The following ABCC6 variants were observed in gnomAD, a reference collection of about 807,000 sequenced individuals.
ABCC6 encodes the protein ATP-binding cassette sub-family C member 6.
In ABCC6, 126 loss-of-function variants were observed where a neutral mutation model predicts 169.5. The observed-to-expected ratio is 0.74, with a 90% CI of 0.64 to 0.86. The LOEUF is 0.86. Ranked by LOEUF, ABCC6 falls within the 40% of genes least tolerant of loss-of-function variation. ABCC6 has a pLI of 0.00. For synonymous variants in ABCC6, 752 were observed against 814.7 expected, an observed-to-expected ratio of 0.92 and a Z score of 1.31; for missense variants, 1,733 against 1,927.2, an observed-to-expected ratio of 0.90 and a Z score of 1.89.
rs61266641 is a variant in ABCC6 at position 16,182,807 on chromosome 16, G to T, written c.2067C>A (p.Ile689=). 1 of 1,613,936 alleles carries T rather than the reference G, an allele frequency of 6.2e-7. No homozygotes were observed. Among genetic ancestry groups the T allele is most frequent in the East Asian group, 2.2e-5 (1 of 44,856 alleles). ...ELSKVEGFVS[I]EGAVAYVPQE... is the part of the protein sequence containing the mutation. The stretch of plus-strand genomic sequence containing the variant: ...GACAGGCTGGGGGTGGCCTCACCTC[G>T]ATGCTCACGAACCCCTCCACCTTTG... The change falls in exon 16 of 31, where the codon ATC becomes ATA. Residue 689 remains isoleucine (I), a synonymous_variant. Transcript: ENST00000205557.
At chr16:16,184,699 G>C (rs966689741) in intron 15 of ABCC6, among the ~76,000 whole-genome samples, 2 of 152,178 alleles carry the variant, frequency 1.3e-5, no homozygotes, top group Middle Eastern at 3.4e-3. Flanking sequence ...GGAGCACAGG[G>C]GTGTCTCCCC....
intron 21 of ABCC6, among the ~76,000 whole-genome samples, chr16:16,172,106 AGTG>A (rs2047112265): frequency 2.6e-5 from 3 of 114,056 alleles, no homozygotes; most frequent in Non-Finnish European, 3.6e-5. Context: ...TGGCTAAATG[AGTG>A]GGTGGGATGG....
chr16:16,183,922 C>T (rs926533274), intron 15 of ABCC6, among the ~76,000 whole-genome samples: 11 of 152,130 alleles, frequency 7.2e-5, no homozygotes, highest in South Asian at 2.1e-4. Flanking sequence ...TCTCCCAGGC[C>T]GGGCACGGTG....
rs544925140 is a variant in ABCC6, at chr16:16,190,069, T to C, written c.1635+95A>G. The C allele has an allele frequency of 6.9e-6, 9 of 1,310,846 alleles. No homozygotes were observed. In the East Asian group the frequency reaches 2.1e-4, roughly 30 times the overall value. The allele number at this position is 1,310,846 out of a possible 1,614,324, so 81.2% of individuals were successfully genotyped here. The stretch of plus-strand genomic sequence containing the variant: ...AATGAGTGGGTTTTGATGGACGGGG[T>C]GGTAGGATCTGGGGGGCTCCACCTA... On this transcript the variant is annotated intron_variant, in intron 12 of 30. Coordinates refer to ENST00000205557, the MANE Select transcript of ABCC6 (RefSeq NM_001171.6).
In ABCC6 at chr16:16,161,496, A is replaced by G. The variant is rs201087449; in HGVS notation, c.3575T>C (p.Leu1192Pro). 6.2e-7 allele frequency: 1 copy of G among 1,614,022 alleles called. No individual in the cohort carries two copies. Residue 1192 changes from leucine to proline, a missense_variant, in exon 25 of 31, where the codon CTG (leucine) becomes CCG (proline). Physicochemically the swap from Leu to Pro is moderately conservative, Grantham distance 98. This residue lies in a region of ABCC6 where 1,601 missense variants were observed against 1,635.5 expected (regional missense o/e 0.98). Coordinates refer to ENST00000205557, the MANE Select transcript of ABCC6 (RefSeq NM_001171.6). Reference protein sequence around the residue: ...LVFAAATCAVLSKAHLSAGLV... With the variant: ...LVFAAATCAVPSKAHLSAGLV... Reference sequence around the variant, plus strand: ...GCCAGCACTGAGGTGGGCTTTGCTCAGCACAGCACACGTGGCAGCTGCAAA... The same window carrying G: ...GCCAGCACTGAGGTGGGCTTTGCTCGGCACAGCACACGTGGCAGCTGCAAA...
Position 16,154,879 on chromosome 16 carries a change from G to C in ABCC6, c.4035C>G (p.Ile1345Met). The C allele has an allele frequency of 6.2e-7, 1 of 1,612,756 alleles. No homozygotes were observed. Among genetic ancestry groups the C allele is most frequent in the Non-Finnish European group, 8.5e-7 (1 of 1,179,506 alleles). ...CCCCCTCCACCAGCCTCACCTGGGGGATGATGCTGATCCTGGAGCGCAGTG... is the reference window on the plus strand; with the variant it reads ...CCCCCTCCACCAGCCTCACCTGGGGCATGATGCTGATCCTGGAGCGCAGTG... The part of the protein sequence containing the change: ...LHTLRSRISI[I>M]PQDPILFPGS... The change falls in exon 28 of 31, where the codon ATC (isoleucine) becomes ATG (methionine). Residue 1345 changes from isoleucine to methionine, a missense_variant. Around this residue, in one of 5 missense-constraint regions of ABCC6, gnomAD observed 1,601 missense variants for 1,635.5 expected, o/e 0.98. Transcript: ENST00000205557.
chr16:16,164,233 T>C (rs1047601977), intron 23 of ABCC6, among the ~76,000 whole-genome samples: 2 of 152,094 alleles, frequency 1.3e-5, no homozygotes, highest in African/African-American at 4.8e-5. Flanking sequence ...AGTTTCACCA[T>C]GTTGACCAGG....
chr16:16,178,915 A>C lies in ABCC6; in HGVS notation c.2298T>G (p.Ala766=). The C allele has an allele frequency of 1.2e-6, 2 of 1,613,568 alleles. No individual in the cohort carries two copies. The highest frequency in any genetic ancestry group is 1.7e-6 in the Non-Finnish European group (2 of 1,180,012). Residue 766 remains alanine (A), a synonymous_variant, in exon 18 of 31, where the codon GCT becomes GCG. Coordinates refer to ENST00000205557, the MANE Select transcript of ABCC6 (RefSeq NM_001171.6). ...GQKQRLSLAR[A]VYRKAAVYLL... is the part of the protein sequence containing the mutation. ...GGTACACAGCTGCCTTTCTGTATAC[A>C]GCCCGGGCCAGGCTCAGCCGCTGCT...
chr16:16,157,368 T>C (rs1360795027), intron 27 of ABCC6, among the ~76,000 whole-genome samples: 1 of 152,144 alleles, frequency 6.6e-6, no homozygotes, highest in Non-Finnish European at 1.5e-5. Context: ...AAAATGTACC[T>C]GGAGCATTTA....
intron 22 of ABCC6, among the ~76,000 whole-genome samples, chr16:16,166,450 G>T (rs1158216026): frequency 6.6e-6 from 1 of 152,070 alleles, no homozygotes; most frequent in African/African-American, 2.4e-5. Context: ...AATACTAGAG[G>T]ATACTCAGAG....
chr16:16,165,603 C>T lies in ABCC6; in HGVS notation c.3306+20G>A, dbSNP rs2046847420. On this transcript the variant is annotated intron_variant, in intron 23 of 30. Transcript: ENST00000205557. Reference sequence around the variant, plus strand: ...AGTTGACCTCAGCCGGTCCCGGAAGCCTCCCTGACCTCTCCGTACCTGAAA... The same window carrying T: ...AGTTGACCTCAGCCGGTCCCGGAAGTCTCCCTGACCTCTCCGTACCTGAAA... The T allele has an allele frequency of 4.3e-6, 7 of 1,612,702 alleles. No homozygotes were observed. In the South Asian group the frequency reaches 7.7e-5, roughly 18 times the overall value.
In ABCC6 at chr16:16,171,763, G is replaced by C. The variant is rs1002924852; in HGVS notation, c.2787+1521C>G. On this transcript the variant is annotated intron_variant, in intron 21 of 30. Coordinates refer to ENST00000205557, the MANE Select transcript of ABCC6 (RefSeq NM_001171.6). ...GGATGGGTTGGACAGATAAATGAGT[G>C]GGTGGGATAGATGGATAAATGAGTG... Among the ~76,000 whole-genome samples, 6 of 152,000 alleles carry C rather than the reference G, an allele frequency of 3.9e-5. No individual in the cohort carries two copies. In the East Asian group the frequency reaches 1.2e-3, roughly 29 times the overall value.
intron 21 of ABCC6, among the ~76,000 whole-genome samples, chr16:16,170,068 C>G (rs1029653986): frequency 2.0e-5 from 3 of 150,282 alleles, no homozygotes; most frequent in Non-Finnish European, 3.0e-5. Context: ...ATACAATCCC[C>G]AGGGAGCTAG....
chr16:16,170,747 C>T (rs552460907), intron 21 of ABCC6, among the ~76,000 whole-genome samples: 4 of 151,580 alleles, frequency 2.6e-5, no homozygotes, highest in East Asian at 1.9e-4. Context: ...AGTGAAACCC[C>T]GTCTCTACTA....
chr16:16,201,436 G>T (rs1185806416), intron 9 of ABCC6, among the ~76,000 whole-genome samples: 1 of 152,212 alleles, frequency 6.6e-6, no homozygotes, highest in African/African-American at 2.4e-5. Flanking sequence ...AGTGAGAACA[G>T]CTGCAAAGGC....
Position 16,150,759 on chromosome 16 carries a change from G to A in ABCC6, c.4222C>T (p.Gln1408Ter), listed in dbSNP as rs1287240953. ...RGEDLSVGQK[Q>*]LLCLARALLR... ...AGGGCACGTGCCAGACACAGGAGCT[G>A]TTTCTGGCCCACGCTGGGAACGATT... Residue 1408 changes from glutamine to a stop codon, truncating the protein, a stop_gained, in exon 30 of 31, where the codon CAG becomes TAG. Transcript: ENST00000205557. LOFTEE classifies it high-confidence loss of function. 6 of 1,613,708 alleles carry A rather than the reference G, an allele frequency of 3.7e-6. No individual in the cohort carries two copies. Among genetic ancestry groups the A allele is most frequent in the Admixed American group, 1.7e-5 (1 of 59,992 alleles).
intron 12 of ABCC6, 32 bp downstream of exon 12, chr16:16,190,129 AGTG>A: frequency 6.2e-7 from 1 of 1,604,330 alleles, no homozygotes; most frequent in Admixed American, 1.7e-5. Context: ...CTCCTTCCCC[AGTG>A]CTGCTCAGCA....
At chr16:16,155,374 G>A (rs894998421) in intron 27 of ABCC6, 19 of 385,536 alleles carry the variant, frequency 4.9e-5, no homozygotes, top group Admixed American at 2.1e-4. Context: ...CTGTCTGTCC[G>A]TCCATCCATC....
chr16:16,176,033 A>C (rs1025248518), intron 19 of ABCC6, 47 bp from the exon 20 acceptor site: 4 of 1,574,554 alleles, frequency 2.5e-6, no homozygotes, highest in Middle Eastern at 1.7e-4. Context: ...CCAGATACCC[A>C]CTTTGACACC....
Sources: allele counts gnomAD v4.1 joint callset (sites outside exome capture counted in the v4.1 genomes callset), GRCh38; gene constraint gnomAD v4.1.1; regional missense constraint gnomAD v4.1.1; transcripts MANE v1.5; gene names NCBI Gene and HGNC (gene_info 2026-07-23, HGNC 2026-07-21).